LRP1B: variants seen among roughly 807,000 people sequenced by gnomAD.
The protein encoded by LRP1B is LDL receptor related protein 1B, also known as low-density lipoprotein receptor-related protein 1B.
A neutral mutation model predicts 556.6 loss-of-function variants in LRP1B; 217 were observed. The ratio of observed to expected loss-of-function variants is 0.39; its 90% CI spans 0.35 to 0.44. The LOEUF (loss-of-function observed/expected upper bound fraction) is 0.44, where lower values mean the gene tolerates loss of function less well. LRP1B is among the 20% of genes least tolerant of loss of function. The probability of loss-of-function intolerance (pLI) is 1.00; values close to 1 mark genes in which losing one functional copy is unlikely to be tolerated. For synonymous variants in LRP1B, 2,047 were observed against 1,865.8 expected, an observed-to-expected ratio of 1.10 and a Z score of -2.50; for missense variants, 5,053 against 5,620.8, an observed-to-expected ratio of 0.90 and a Z score of 3.23.
At chr2:141,067,134 A>G (rs2105476296) in intron 7 of LRP1B, among the ~76,000 whole-genome samples, 1 of 152,132 alleles carries the variant, frequency 6.6e-6, no homozygotes, top group South Asian at 2.1e-4. Context: ...TGTACCTTGT[A>G]CAAAACTTGA....
intron 1 of LRP1B, among the ~76,000 whole-genome samples, chr2:142,068,019 C>A (rs76452692): frequency 0.069 from 10,402 of 151,468 alleles, 473 homozygotes; most frequent in Non-Finnish European, 0.094. Flanking sequence ...AACAATCTTC[C>A]TAGCAGTCTA....
chr2:141,322,838 A>G (rs1213540286), intron 3 of LRP1B, among the ~76,000 whole-genome samples: 1 of 151,970 alleles, frequency 6.6e-6, no homozygotes, highest in Non-Finnish European at 1.5e-5. Context: ...CATCCCATTC[A>G]AAATTATTGA....
chr2:141,227,316 A>G (rs1683287693), intron 6 of LRP1B, among the ~76,000 whole-genome samples: 1 of 152,194 alleles, frequency 6.6e-6, no homozygotes, highest in Non-Finnish European at 1.5e-5. Flanking sequence ...TTGACTATTC[A>G]GTATTCCATT....
At chr2:141,984,075 T>C (rs911055862) in intron 1 of LRP1B, among the ~76,000 whole-genome samples, 4 of 151,880 alleles carry the variant, frequency 2.6e-5, no homozygotes, top group Admixed American at 2.6e-4. Flanking sequence ...AATAAATAAA[T>C]AAATAAAAAG....
At chr2:140,320,102 A>C (rs973438418) in intron 82 of LRP1B, among the ~76,000 whole-genome samples, 10 of 152,090 alleles carry the variant, frequency 6.6e-5, no homozygotes, top group Non-Finnish European at 1.5e-4. Flanking sequence ...TCTAAATCCA[A>C]TCTGCCTTTG....
chr2:141,520,343 G>A lies in LRP1B; in HGVS notation c.206-39810C>T, dbSNP rs144492422. The stretch of plus-strand genomic sequence containing the variant: ...ATCCTTATCAAAACCAGTCGTAATT[G>A]CCATTTCCTTGTAAAACAAAAGGCC... On this transcript the variant is annotated intron_variant, in intron 2 of 90. Transcript: ENST00000389484. Among the ~76,000 whole-genome samples the A allele has an allele frequency of 5.0e-3, 764 of 152,240 alleles. 7 individuals carry two copies. The highest frequency in any genetic ancestry group is 0.016 in the African/African-American group (647 of 41,542).
intron 2 of LRP1B, among the ~76,000 whole-genome samples, chr2:141,541,001 C>T (rs1685238610): frequency 6.6e-6 from 1 of 151,778 alleles, no homozygotes; most frequent in East Asian, 1.9e-4. Context: ...AAAAAAACAA[C>T]AACAACATCC....
intron 2 of LRP1B, among the ~76,000 whole-genome samples, chr2:141,802,192 G>A (rs1696029340): frequency 6.6e-6 from 1 of 152,122 alleles, no homozygotes; most frequent in Admixed American, 6.6e-5. Flanking sequence ...CTTTGCTGCT[G>A]GGTACCGAGG....
chr2:141,564,581 C>T (rs1686267321), intron 2 of LRP1B, among the ~76,000 whole-genome samples: 1 of 152,042 alleles, frequency 6.6e-6, no homozygotes, highest in African/African-American at 2.4e-5. Context: ...TCATTTTATT[C>T]ATGTAAATTC....
chr2:141,326,452 A>G (rs1687432715), intron 3 of LRP1B, among the ~76,000 whole-genome samples: 1 of 152,138 alleles, frequency 6.6e-6, no homozygotes, highest in African/African-American at 2.4e-5. Flanking sequence ...AGAAAGTGGA[A>G]ATGATTAGGA....
rs1223249071 is a variant in LRP1B at position 141,078,057 on chromosome 2, T to C, written c.1014-15784A>G. On this transcript the variant is annotated intron_variant, in intron 7 of 90. Transcript: ENST00000389484. ...TAAAGCTTATTTGGGTGAAGTTTTC[T>C]AACACAACTAAAAACTACTCATTTT... Among the ~76,000 whole-genome samples, 6 of 152,088 alleles carry C rather than the reference T, an allele frequency of 3.9e-5. No individual in the cohort carries two copies. The East Asian group carries it at 1.2e-3, about 29-fold the overall frequency.
intron 2 of LRP1B, among the ~76,000 whole-genome samples, chr2:141,624,232 A>G (rs1471781774): frequency 6.6e-6 from 1 of 152,014 alleles, no homozygotes; most frequent in Non-Finnish European, 1.5e-5. Context: ...CAAAATTTTT[A>G]TTGCAAGCCA....
chr2:141,807,244 G>A lies in LRP1B; in HGVS notation c.205+3035C>T, dbSNP rs528934438. On this transcript the variant is annotated intron_variant, in intron 2 of 90. Transcript: ENST00000389484. ...CATCTGGATTGAGAAATTTAAATTT[G>A]GCAAAGACTGATATTTTCATAACGC... Among the ~76,000 whole-genome samples the A allele has an allele frequency of 1.2e-4, 17 of 147,732 alleles. No individual in the cohort carries two copies. In the South Asian group the frequency reaches 3.5e-3, roughly 30 times the overall value.
chr2:141,330,640 G>A (rs1687603626), intron 3 of LRP1B, among the ~76,000 whole-genome samples: 1 of 151,362 alleles, frequency 6.6e-6, no homozygotes, highest in Admixed American at 6.6e-5. Flanking sequence ...GTAAGATTCA[G>A]TTTTATCAAC....
chr2:141,655,794 T>C (rs1689983656), intron 2 of LRP1B, among the ~76,000 whole-genome samples: 1 of 152,192 alleles, frequency 6.6e-6, no homozygotes, highest in South Asian at 2.1e-4. Flanking sequence ...CTCCAGGTTA[T>C]ACAGTCTTTG....
intron 59 of LRP1B, among the ~76,000 whole-genome samples, chr2:140,478,162 T>A (rs1688050598): frequency 6.7e-6 from 1 of 148,600 alleles, no homozygotes; most frequent in East Asian, 2.0e-4. Flanking sequence ...TTTTTTTTTT[T>A]TTTTTGAGAA....
intron 3 of LRP1B, among the ~76,000 whole-genome samples, chr2:141,286,435 T>C (rs1685724008): frequency 1.3e-5 from 2 of 152,210 alleles, no homozygotes; most frequent in African/African-American, 4.8e-5. Context: ...TTATTTGCAA[T>C]GTCTCTGTCA....
At chr2:140,597,955 G>A (rs186532527) in intron 43 of LRP1B, among the ~76,000 whole-genome samples, 28 of 152,250 alleles carry the variant, frequency 1.8e-4, no homozygotes, top group Admixed American at 1.8e-3. Context: ...GTAGGGACAT[G>A]GGTCCAGATT....
chr2:140,963,414 C>CGTGT (rs141850717), intron 18 of LRP1B, among the ~76,000 whole-genome samples: 1 of 150,876 alleles, frequency 6.6e-6, no homozygotes, highest in African/African-American at 2.4e-5. Context: ...CTGATTTTTA[C>CGTGT]GTGTGTGTGT....
Sources: allele counts gnomAD v4.1 joint callset (sites outside exome capture counted in the v4.1 genomes callset), GRCh38; gene constraint gnomAD v4.1.1; transcripts MANE v1.5; gene names NCBI Gene and HGNC (gene_info 2026-07-23, HGNC 2026-07-21).